CCDC170: variants seen among roughly 807,000 people sequenced by gnomAD.
CCDC170 encodes the protein coiled-coil domain-containing protein 170.
A neutral mutation model predicts 72.6 loss-of-function variants in CCDC170; 69 were observed. The ratio of observed to expected loss-of-function variants is 0.95; its 90% CI spans 0.78 to 1.16. The LOEUF is 1.16. Among genes scored for constraint, CCDC170 ranks in the 50% most tolerant of loss-of-function variants. CCDC170 has a pLI of 0.00. For synonymous variants in CCDC170, 300 were observed against 303.9 expected, an observed-to-expected ratio of 0.99 and a Z score of 0.13; for missense variants, 852 against 832.5, an observed-to-expected ratio of 1.02 and a Z score of -0.29.
At chr6:151,606,905 G>A (rs576898969) in intron 9 of CCDC170, among the ~76,000 whole-genome samples, 25 of 151,588 alleles carry the variant, frequency 1.6e-4, no homozygotes, top group Non-Finnish European at 2.8e-4. Flanking sequence ...AATTTAGCTT[G>A]TTTTCTAAGT....
At chr6:151,566,709 A>G (rs1167388642) in intron 5 of CCDC170, among the ~76,000 whole-genome samples, 1 of 152,180 alleles carries the variant, frequency 6.6e-6, no homozygotes, top group Non-Finnish European at 1.5e-5. Context: ...TAGTATCACT[A>G]TTATACTCAT....
At chr6:151,507,089 T>G (rs1782076705) in intron 1 of CCDC170, among the ~76,000 whole-genome samples, 1 of 152,058 alleles carries the variant, frequency 6.6e-6, no homozygotes, top group Non-Finnish European at 1.5e-5. Context: ...AGTCCTTCCA[T>G]GCTTGAGGGG....
In CCDC170 at chr6:151,521,899, C is replaced by T. The variant is rs529459930; in HGVS notation, c.58-14419C>T. On this transcript the variant is annotated intron_variant, in intron 1 of 10. Transcript: ENST00000239374. ...TACTCAGGAGGCTGAGGCAGGAGGA[C>T]GGTGTGAACCCAGGAGGCGGAGCTT... 2.8e-3 allele frequency among the ~76,000 whole-genome samples: 408 copies of T among 147,536 alleles called. 2 individuals carry two copies. The highest frequency in any genetic ancestry group is 8.9e-3 in the African/African-American group (354 of 39,902).
At chr6:151,505,704 C>A (rs1782058068) in intron 1 of CCDC170, among the ~76,000 whole-genome samples, 1 of 152,094 alleles carries the variant, frequency 6.6e-6, no homozygotes, top group Admixed American at 6.6e-5. Flanking sequence ...AGCAAGGATT[C>A]TTGTGCTGTG....
chr6:151,560,584 T>C (rs748587180), intron 5 of CCDC170, among the ~76,000 whole-genome samples: 29 of 152,164 alleles, frequency 1.9e-4, no homozygotes, highest in Non-Finnish European at 3.7e-4. Context: ...ATGATTATTG[T>C]ATGGCTATCT....
chr6:151,575,375 G>A (rs1357717574), intron 6 of CCDC170, among the ~76,000 whole-genome samples: 1 of 148,696 alleles, frequency 6.7e-6, no homozygotes, highest in East Asian at 2.0e-4. Context: ...CAAGCTTGCA[G>A]TGAGCCGAGA....
Position 151,536,303 on chromosome 6 carries a change from G to T in CCDC170, c.58-15G>T. 6.2e-7 allele frequency: 1 copy of T among 1,612,438 alleles called. No individual in the cohort carries two copies. The highest frequency in any genetic ancestry group is 1.3e-5 in the African/African-American group (1 of 75,028). ...ACTCTTCTTTATATTTTGTATTTTG[G>T]GGGAATTCTACCAGGAAACTTACGA... On this transcript the variant is annotated splice_polypyrimidine_tract_variant and intron_variant, in intron 1 of 10. Coordinates refer to ENST00000239374, the MANE Select transcript of CCDC170 (RefSeq NM_025059.4).
intron 6 of CCDC170, among the ~76,000 whole-genome samples, chr6:151,578,487 C>T (rs1776335084): frequency 6.6e-6 from 1 of 152,138 alleles, no homozygotes; most frequent in Non-Finnish European, 1.5e-5. Flanking sequence ...GTCCAAATTT[C>T]CCCTCTTATA....
intron 5 of CCDC170, among the ~76,000 whole-genome samples, chr6:151,557,224 C>A (rs138004850): frequency 6.6e-6 from 1 of 151,886 alleles, no homozygotes; most frequent in Non-Finnish European, 1.5e-5. Context: ...CTGGCTAACA[C>A]GGTGGAACCC....
At chr6:151,513,934 A>G (rs561848639) in intron 1 of CCDC170, among the ~76,000 whole-genome samples, 24 of 150,236 alleles carry the variant, frequency 1.6e-4, no homozygotes, top group Middle Eastern at 3.4e-3. Context: ...AAAAAAAAAA[A>G]AAAAAGAAAA....
At position 151,617,979 on chromosome 6, in the gene CCDC170, G is replaced by A. The variant is rs1412647632; in HGVS notation, c.1980G>A (p.Met660Ile). 1.2e-6 allele frequency: 2 copies of A among 1,613,996 alleles called. No individual in the cohort carries two copies. Among genetic ancestry groups the A allele is most frequent in the African/African-American group, 2.7e-5 (2 of 74,934 alleles). The change falls in exon 11 of 11, where the codon ATG (methionine) becomes ATA (isoleucine). Residue 660 changes from methionine (M) to isoleucine (I), a missense_variant. Physicochemically the swap from Met to Ile is conservative, Grantham distance 10. Coordinates refer to ENST00000239374, the MANE Select transcript of CCDC170 (RefSeq NM_025059.4). ...ACTTCAGGGAGGTGGTGTCGCAGAT[G>A]CTAGGCTTGAACGTGACCAGCCTTG... Reference protein sequence around the residue: ...LADFREVVSQMLGLNVTSLAL... With the variant: ...LADFREVVSQILGLNVTSLAL...
At chr6:151,573,991 C>T (rs1273082349) in intron 6 of CCDC170, among the ~76,000 whole-genome samples, 1 of 152,200 alleles carries the variant, frequency 6.6e-6, no homozygotes, top group Non-Finnish European at 1.5e-5. Flanking sequence ...GGCCTGTAAC[C>T]CCAGTCCATT....
intron 5 of CCDC170, among the ~76,000 whole-genome samples, chr6:151,554,013 G>A (rs948053325): frequency 1.1e-4 from 17 of 152,110 alleles, no homozygotes; most frequent in African/African-American, 3.9e-4. Context: ...TGATCTGCTT[G>A]AAGACTCTAC....
intron 9 of CCDC170, among the ~76,000 whole-genome samples, chr6:151,611,631 G>A (rs1011206362): frequency 2.0e-5 from 3 of 152,120 alleles, no homozygotes; most frequent in Admixed American, 6.5e-5. Context: ...ATGAATTTAG[G>A]AGGACACAAA....
At position 151,548,034 on chromosome 6, in the gene CCDC170, A is replaced by G. The variant is rs146747168; in HGVS notation, c.589-270A>G. Among the ~76,000 whole-genome samples the G allele has an allele frequency of 3.0e-3, 460 of 152,308 alleles. 5 individuals carry two copies. The highest frequency in any genetic ancestry group is 0.01 in the African/African-American group (435 of 41,572). Reference sequence around the variant, plus strand: ...TGTAGAGCTTCACCTTACCTGATGTATTTAGCAGGTTTGCTGATGTGTGTT... The same window carrying G: ...TGTAGAGCTTCACCTTACCTGATGTGTTTAGCAGGTTTGCTGATGTGTGTT... On this transcript the variant is annotated intron_variant, in intron 4 of 10. Coordinates refer to ENST00000239374, the MANE Select transcript of CCDC170 (RefSeq NM_025059.4).
chr6:151,527,716 G>T (rs1782432181), intron 1 of CCDC170, among the ~76,000 whole-genome samples: 1 of 152,072 alleles, frequency 6.6e-6, no homozygotes, highest in Non-Finnish European at 1.5e-5. Flanking sequence ...AGAGGGAGAG[G>T]TAGAGAAGAG....
At chr6:151,513,235 G>C (rs1782172915) in intron 1 of CCDC170, among the ~76,000 whole-genome samples, 1 of 152,166 alleles carries the variant, frequency 6.6e-6, no homozygotes, top group Non-Finnish European at 1.5e-5. Flanking sequence ...TAGAAAACAG[G>C]TTGTAAAGTT....
chr6:151,556,650 A>G (rs1782981350), intron 5 of CCDC170, among the ~76,000 whole-genome samples: 1 of 152,162 alleles, frequency 6.6e-6, no homozygotes, highest in Non-Finnish European at 1.5e-5. Flanking sequence ...GTGCTATTTT[A>G]TTACACGCAT....
Position 151,615,683 on chromosome 6 carries a change from G to A in CCDC170, c.1947+4G>A. 1 of 1,597,080 alleles carries A rather than the reference G, an allele frequency of 6.3e-7. No individual in the cohort carries two copies. Among genetic ancestry groups the A allele is most frequent in the Non-Finnish European group, 8.6e-7 (1 of 1,166,774 alleles). ...AGCAGAAAAGAGAGAAAAGCAGGTG[G>A]GTCTAAATCTGGTGATGAAACCTTG... is the stretch of plus-strand genomic sequence containing the variant. On this transcript the variant is annotated splice_donor_region_variant and intron_variant, in intron 10 of 10. Transcript: ENST00000239374.
Sources: allele counts gnomAD v4.1 joint callset (sites outside exome capture counted in the v4.1 genomes callset), GRCh38; gene constraint gnomAD v4.1.1; transcripts MANE v1.5; gene names NCBI Gene and HGNC (gene_info 2026-07-23, HGNC 2026-07-21).